FAAH2: variants seen among roughly 807,000 people sequenced by gnomAD.
FAAH2 encodes the protein fatty acid amide hydrolase 2, also known as fatty-acid amide hydrolase 2.
In FAAH2, 60 loss-of-function variants were observed where a neutral mutation model predicts 36.9. The observed-to-expected ratio is 1.63, with a 90% CI of 1.32 to 2.02. The LOEUF (loss-of-function observed/expected upper bound fraction) is 2.02, where lower values mean the gene tolerates loss of function less well. Ranked by LOEUF, FAAH2 falls within the 30% of genes most tolerant of loss-of-function variation. FAAH2 has a pLI of 0.00. For synonymous variants in FAAH2, 214 were observed against 143.8 expected (o/e 1.49, Z -3.49); for missense variants, 689 against 397.5 (o/e 1.73, Z -6.23).
At chrX:57,205,445 G>T in the FAAH2 span, among the ~76,000 whole-genome samples, 4 of 112,258 alleles carry the variant, frequency 3.6e-5, no homozygotes, top group Non-Finnish European at 5.6e-5. Flanking sequence ...GTTTGCAATT[G>T]GGTAAATAAA....
At chrX:57,380,820 C>T (rs1602469931) in intron 6 of FAAH2, 92 bp from the exon 7 acceptor site, 3 of 526,293 alleles carry the variant, frequency 5.7e-6, no homozygotes, top group Non-Finnish European at 9.1e-6. Context: ...GAAAAAAATA[C>T]TTCATTAGAG....
intron 7 of FAAH2, among the ~76,000 whole-genome samples, chrX:57,396,180 A>G (rs1393153849): frequency 9.0e-6 from 1 of 111,175 alleles, no homozygotes; most frequent in Non-Finnish European, 1.9e-5. Flanking sequence ...TAATGTCAAC[A>G]CTATCATTTC....
intron 7 of FAAH2, among the ~76,000 whole-genome samples, chrX:57,401,136 TA>T (rs1052097946): frequency 9.1e-6 from 1 of 110,350 alleles, no homozygotes; most frequent in African/African-American, 3.3e-5. Context: ...AATAAATAAA[TA>T]AAAAATTTAT....
chrX:57,422,055 G>A (rs1025061028), intron 7 of FAAH2, among the ~76,000 whole-genome samples: 34 of 111,145 alleles, frequency 3.1e-4, no homozygotes, highest in Admixed American at 2.9e-3. Context: ...AACTGCTTCC[G>A]GCTGTCTTTA....
In FAAH2 at chrX:57,389,305, T is replaced by TAC. The variant is rs1487432473; in HGVS notation, c.996+8278_996+8279dup. On this transcript the variant is annotated intron_variant, in intron 7 of 10. Transcript: ENST00000374900. ...ACACACACACACACATATATATATA[T>TAC]ACATATATAATATATAATGACTAAT... Among the ~76,000 whole-genome samples the TAC allele has an allele frequency of 4.4e-3, 442 of 101,142 alleles. 3 individuals carry two copies. The highest frequency in any genetic ancestry group is 0.015 in the African/African-American group (413 of 28,223). 87.8% of individuals were successfully genotyped at this position (101,142 alleles called of 115,157 possible).
chrX:57,449,560 A>G (rs1030572775), intron 10 of FAAH2, among the ~76,000 whole-genome samples: 4 of 111,518 alleles, frequency 3.6e-5, no homozygotes. Flanking sequence ...AGGATGAGGG[A>G]GAGGATATTA....
chrX:57,392,732 T>C (rs182522718), intron 7 of FAAH2: 6 of 611,265 alleles, frequency 9.8e-6, no homozygotes, highest in Non-Finnish European at 1.4e-5. Flanking sequence ...TGCTCATCGT[T>C]CCTACTAAAG....
intron 10 of FAAH2, among the ~76,000 whole-genome samples, chrX:57,467,097 T>A (rs945106523): frequency 3.6e-5 from 4 of 111,298 alleles, no homozygotes; most frequent in South Asian, 3.8e-4. Context: ...CAAGTTTCAA[T>A]CTATTATTAA....
chrX:57,158,927 G>C, the FAAH2 span, among the ~76,000 whole-genome samples: 28 of 112,249 alleles, frequency 2.5e-4, no homozygotes, highest in African/African-American at 7.5e-4. Context: ...CCCATGCCAT[G>C]TCCTGAATGG....
intron 3 of FAAH2, among the ~76,000 whole-genome samples, chrX:57,312,672 C>A (rs868055110): frequency 8.1e-5 from 8 of 99,168 alleles, no homozygotes; most frequent in Non-Finnish European, 1.2e-4. Context: ...AAAACTCCAT[C>A]AAAAAAAAAA....
At chrX:57,417,603 C>T (rs187473715) in intron 7 of FAAH2, among the ~76,000 whole-genome samples, 451 of 112,034 alleles carry the variant, frequency 4.0e-3, no homozygotes, top group Non-Finnish European at 5.4e-3. Flanking sequence ...TCCCTGGAAG[C>T]TTTCTCTCAG....
chrX:57,139,759 G>T, the FAAH2 span, among the ~76,000 whole-genome samples: 1 of 111,604 alleles, frequency 9.0e-6, no homozygotes, highest in East Asian at 2.8e-4. Context: ...TGTCCCCATA[G>T]GTTTATAGTA....
intron 5 of FAAH2, among the ~76,000 whole-genome samples, chrX:57,376,651 A>T (rs1010706734): frequency 9.0e-6 from 1 of 111,542 alleles, no homozygotes; most frequent in African/African-American, 3.3e-5. Flanking sequence ...ATGCGTTATA[A>T]TTCTTTGGGT....
At chrX:57,374,729 G>A (rs1342957597) in intron 5 of FAAH2, among the ~76,000 whole-genome samples, 1 of 111,444 alleles carries the variant, frequency 9.0e-6, no homozygotes, top group Non-Finnish European at 1.9e-5. Flanking sequence ...GCCGTTGCTA[G>A]GACTTCCAGT....
the FAAH2 span, among the ~76,000 whole-genome samples, chrX:57,189,486 G>A: frequency 9.1e-6 from 1 of 109,626 alleles, no homozygotes; most frequent in African/African-American, 3.3e-5. Context: ...GGAATTTTCA[G>A]CATTTTGGCA....
At chrX:57,366,802 G>A (rs993370297) in intron 5 of FAAH2, among the ~76,000 whole-genome samples, 1 of 112,484 alleles carries the variant, frequency 8.9e-6, no homozygotes, top group Non-Finnish European at 1.9e-5. Context: ...GCAGAGGTTA[G>A]CAGATAAGGG....
intron 3 of FAAH2, among the ~76,000 whole-genome samples, chrX:57,329,487 A>T (rs2053333288): frequency 9.1e-6 from 1 of 110,072 alleles, no homozygotes; most frequent in Non-Finnish European, 1.9e-5. Context: ...GGCAGTGCTG[A>T]TGTGCTTTCT....
chrX:57,331,469 T>A (rs1332499618), intron 3 of FAAH2, 129 bp from the exon 4 acceptor site: 1 of 512,426 alleles, frequency 2.0e-6, no homozygotes, highest in African/African-American at 2.4e-5. Flanking sequence ...GTGCCAGTCT[T>A]TCCAATGCCC....
chrX:57,295,597 T>C (rs78086457), intron 2 of FAAH2, among the ~76,000 whole-genome samples: 1 of 111,689 alleles, frequency 9.0e-6, no homozygotes, highest in African/African-American at 3.3e-5. Flanking sequence ...TGGGGAGTGC[T>C]GGACAGTGGG....
Sources: allele counts gnomAD v4.1 joint callset (sites outside exome capture counted in the v4.1 genomes callset), GRCh38; gene constraint gnomAD v4.1.1; transcripts MANE v1.5; gene names NCBI Gene and HGNC (gene_info 2026-07-23, HGNC 2026-07-21).